SESTD1: variants seen among roughly 807,000 people sequenced by gnomAD.
The protein encoded by SESTD1 is SEC14 domain and spectrin repeat-containing protein 1.
Under a neutral mutation model 101.7 loss-of-function variants are expected in SESTD1, and 43 were observed. The observed-to-expected ratio is 0.42, with a 90% CI of 0.33 to 0.55. The LOEUF is 0.55. Ranked by LOEUF, SESTD1 falls within the 20% of genes least tolerant of loss-of-function variation. The pLI is 0.07. For missense variants in SESTD1, 647 were observed against 815.1 expected (o/e 0.79, Z 2.51); for synonymous variants, 283 against 286.8 (o/e 0.99, Z 0.13).
intron 2 of SESTD1, among the ~76,000 whole-genome samples, chr2:179,184,156 TATA>T (rs1053447252): frequency 6.6e-6 from 1 of 152,102 alleles, no homozygotes; most frequent in African/African-American, 2.4e-5. Flanking sequence ...GTGCCAAAAG[TATA>T]ATGTAACTTT....
At chr2:179,206,752 G>C (rs1574035982) in intron 1 of SESTD1, among the ~76,000 whole-genome samples, 2 of 134,944 alleles carry the variant, frequency 1.5e-5, no homozygotes, top group East Asian at 4.0e-4. Context: ...CAGGCAGGGA[G>C]GTGAGAGACC....
intron 8 of SESTD1, among the ~76,000 whole-genome samples, chr2:179,144,113 G>A (rs984401296): frequency 2.7e-5 from 4 of 147,860 alleles, no homozygotes; most frequent in Middle Eastern, 3.5e-3. Flanking sequence ...GCATACATAC[G>A]GTTTATATTT....
intron 1 of SESTD1, among the ~76,000 whole-genome samples, chr2:179,248,254 T>C (rs1250289596): frequency 6.6e-6 from 1 of 152,060 alleles, no homozygotes; most frequent in African/African-American, 2.4e-5. Context: ...GTTCTTTAGT[T>C]ATCAAGTAAA....
chr2:179,111,530 G>A (rs1385866997), intron 17 of SESTD1, among the ~76,000 whole-genome samples: 5 of 152,156 alleles, frequency 3.3e-5, no homozygotes, highest in Non-Finnish European at 7.4e-5. Context: ...TGAGTAAGTG[G>A]TAGAGCTGAG....
chr2:179,261,262 T>C lies in SESTD1; in HGVS notation c.-26+3237A>G, dbSNP rs143712787. Among the ~76,000 whole-genome samples, 4 of 152,346 alleles carry C rather than the reference T, an allele frequency of 2.6e-5. No individual in the cohort carries two copies. The East Asian group carries it at 5.8e-4, about 22-fold the overall frequency. ...TGCCACAACACCTTATGGTTTGTTATTGTTTGGTTTGATTTTTTTTATTTT... is the reference window on the plus strand; with the variant it reads ...TGCCACAACACCTTATGGTTTGTTACTGTTTGGTTTGATTTTTTTTATTTT... On this transcript the variant is annotated intron_variant, in intron 1 of 17. Transcript: ENST00000428443.
At chr2:179,232,101 G>A (rs2046997144) in intron 1 of SESTD1, among the ~76,000 whole-genome samples, 1 of 151,918 alleles carries the variant, frequency 6.6e-6, no homozygotes, top group South Asian at 2.1e-4. Flanking sequence ...CAAAAAAAGT[G>A]CACACATATT....
At chr2:179,262,923 T>C (rs1173044676) in intron 1 of SESTD1, among the ~76,000 whole-genome samples, 1 of 152,230 alleles carries the variant, frequency 6.6e-6, no homozygotes, top group Non-Finnish European at 1.5e-5. Flanking sequence ...GTCAGATTCC[T>C]AGTCCATCAC....
intron 9 of SESTD1, among the ~76,000 whole-genome samples, chr2:179,141,570 A>G: frequency 6.6e-6 from 1 of 152,032 alleles, no homozygotes; most frequent in South Asian, 2.1e-4. Context: ...TATGTGCCAG[A>G]CACTAAATAT....
chr2:179,129,358 A>G (rs1343701262), intron 10 of SESTD1, among the ~76,000 whole-genome samples: 1 of 152,224 alleles, frequency 6.6e-6, no homozygotes, highest in African/African-American at 2.4e-5. Context: ...ATTGTCAGTT[A>G]CTATAACCAT....
intron 1 of SESTD1, among the ~76,000 whole-genome samples, chr2:179,232,106 C>T (rs2046997210): frequency 6.6e-6 from 1 of 151,808 alleles, no homozygotes; most frequent in South Asian, 2.1e-4. Flanking sequence ...AAAGTGCACA[C>T]ATATTAGGTA....
chr2:179,115,507 G>A (rs1261111883), intron 15 of SESTD1, among the ~76,000 whole-genome samples: 1 of 152,072 alleles, frequency 6.6e-6, no homozygotes, highest in African/African-American at 2.4e-5. Flanking sequence ...CAGCACTTTG[G>A]GAGGCTGAGG....
chr2:179,180,308 C>CA (rs1407738387), intron 3 of SESTD1, among the ~76,000 whole-genome samples: 4 of 152,000 alleles, frequency 2.6e-5, no homozygotes, highest in Non-Finnish European at 2.9e-5. Flanking sequence ...TTATTATATT[C>CA]AAAACGTTAA....
chr2:179,157,266 GA>G (rs2045650106), intron 5 of SESTD1, among the ~76,000 whole-genome samples: 1 of 152,096 alleles, frequency 6.6e-6, no homozygotes, highest in Admixed American at 6.6e-5. Flanking sequence ...TGGATGAGTA[GA>G]ATCAATATTG....
At chr2:179,129,658 A>G (rs1233071442) in intron 10 of SESTD1, among the ~76,000 whole-genome samples, 1 of 152,248 alleles carries the variant, frequency 6.6e-6, no homozygotes, top group Non-Finnish European at 1.5e-5. Context: ...TGTCAATGCC[A>G]GAAATTAGTC....
chr2:179,161,338 T>C (rs1312654587), intron 5 of SESTD1, among the ~76,000 whole-genome samples: 2 of 152,188 alleles, frequency 1.3e-5, no homozygotes, highest in Non-Finnish European at 2.9e-5. Context: ...AATACAATGA[T>C]TCATCACAAA....
intron 9 of SESTD1, among the ~76,000 whole-genome samples, chr2:179,133,571 A>C (rs1382608791): frequency 1.3e-5 from 2 of 152,186 alleles, no homozygotes; most frequent in East Asian, 3.8e-4. Flanking sequence ...ACCTTTTGCC[A>C]AATTAGAAAA....
At chr2:179,173,768 C>T (rs958927765) in intron 4 of SESTD1, among the ~76,000 whole-genome samples, 5 of 152,040 alleles carry the variant, frequency 3.3e-5, no homozygotes, top group Non-Finnish European at 7.4e-5. Context: ...TGCTACCACT[C>T]GGTTCTGTCA....
chr2:179,115,386 G>T, intron 15 of SESTD1, 130 bp from the exon 16 acceptor site: 1 of 632,244 alleles, frequency 1.6e-6, no homozygotes, highest in Admixed American at 3.4e-5. Context: ...AAATCTAGTG[G>T]CACTTATTAC....
At chr2:179,136,271 G>T (rs924420484) in intron 9 of SESTD1, among the ~76,000 whole-genome samples, 3 of 152,130 alleles carry the variant, frequency 2.0e-5, no homozygotes, top group Admixed American at 2.0e-4. Context: ...GCACATTAAT[G>T]ATACTAATAA....
Sources: gnomAD v4.1 joint callset for allele counts (sites outside exome capture counted in the v4.1 genomes callset) on GRCh38, gnomAD v4.1.1 for gene constraint, MANE v1.5 for transcripts, NCBI Gene and HGNC (gene_info 2026-07-23, HGNC 2026-07-21) for gene names.